The following JPT1 variants were observed in gnomAD, a reference collection of about 807,000 sequenced individuals.
The protein encoded by JPT1 is Jupiter microtubule associated homolog 1.
A neutral mutation model predicts 17.0 loss-of-function variants in JPT1; 5 were observed. The observed-to-expected ratio is 0.29, with a 90% CI of 0.15 to 0.62. The LOEUF is 0.62. Ranked by LOEUF, JPT1 falls within the 20% of genes least tolerant of loss-of-function variation. JPT1 has a pLI of 0.85. For missense variants in JPT1, 158 were observed against 188.1 expected (o/e 0.84, Z 0.94); for synonymous variants, 71 against 73.6 (o/e 0.96, Z 0.18).
rs138322515 is a variant in JPT1 at position 75,147,770 on chromosome 17, G to A, written c.200-117C>T. Reference sequence around the variant, plus strand: ...TCTCAGTGCTTTAGGAGGCCGAGGCGGGCAGATCACCTGAGGTCAGGAGTT... The same window carrying A: ...TCTCAGTGCTTTAGGAGGCCGAGGCAGGCAGATCACCTGAGGTCAGGAGTT... On this transcript the variant is annotated intron_variant, in intron 2 of 4. Coordinates refer to ENST00000409753, the MANE Select transcript of JPT1 (RefSeq NM_016185.4). The A allele has an allele frequency of 2.4e-3, 1,734 of 730,402 alleles. 33 individuals carry two copies. Among genetic ancestry groups the A allele is most frequent in the South Asian group, 0.018 (1,141 of 63,124 alleles). The allele number at this position is 730,402 out of a possible 1,614,324, so 45.2% of individuals were successfully genotyped here. A position where few individuals can be genotyped will look rare whatever the true frequency, so the allele number is the denominator to read the frequency against.
Position 75,136,265 on chromosome 17 carries a change from A to T in JPT1, c.317-15T>A. 1 of 1,560,916 alleles carries T rather than the reference A, an allele frequency of 6.4e-7. No individual in the cohort carries two copies. ...GTCCACATTTTCTATGAAAACAGGG[A>T]ATAGAAATAATACTCATAATGACAG... On this transcript the variant is annotated splice_polypyrimidine_tract_variant and intron_variant, in intron 4 of 4. Coordinates refer to ENST00000409753, the MANE Select transcript of JPT1 (RefSeq NM_016185.4).
chr17:75,146,160 GTTTA>G (rs1291151044), intron 4 of JPT1, among the ~76,000 whole-genome samples: 1 of 151,922 alleles, frequency 6.6e-6, no homozygotes, highest in Non-Finnish European at 1.5e-5. Context: ...TTTTGGTTTA[GTTTA>G]TTTTTTTCAG....
chr17:75,146,397 C>G (rs901156857), intron 4 of JPT1: 1 of 324,228 alleles, frequency 3.1e-6, no homozygotes, highest in African/African-American at 2.2e-5. Context: ...AAGCAATCTG[C>G]CTGCCTCAGC....
intron 4 of JPT1, among the ~76,000 whole-genome samples, chr17:75,143,136 C>G (rs1043591656): frequency 3.9e-5 from 6 of 152,194 alleles, no homozygotes; most frequent in African/African-American, 1.4e-4. Context: ...CATGGAGAGG[C>G]CAAGAAGAAT....
intron 4 of JPT1, among the ~76,000 whole-genome samples, chr17:75,137,522 A>AT (rs1213619500): frequency 2.7e-4 from 37 of 138,906 alleles, no homozygotes; most frequent in South Asian, 8.6e-4. Context: ...ACAACTGGCT[A>AT]TTTTTGTTTT....
At chr17:75,146,044 C>T (rs748944074) in intron 4 of JPT1, among the ~76,000 whole-genome samples, 1 of 152,110 alleles carries the variant, frequency 6.6e-6, no homozygotes, top group Non-Finnish European at 1.5e-5. Flanking sequence ...GCCTACTGCA[C>T]TCCAGCCTTG....
intron 4 of JPT1, among the ~76,000 whole-genome samples, chr17:75,140,736 G>C (rs2074291990): frequency 6.6e-6 from 1 of 152,158 alleles, no homozygotes; most frequent in African/African-American, 2.4e-5. Flanking sequence ...GCCAAGGCAG[G>C]AAGATCAACA....
chr17:75,140,877 G>A (rs566267244), intron 4 of JPT1, among the ~76,000 whole-genome samples: 24 of 152,108 alleles, frequency 1.6e-4, no homozygotes, highest in Non-Finnish European at 2.6e-4. Context: ...GGATCACGAG[G>A]TAAGGAGTTC....
At chr17:75,149,862 T>TACACACTTAC (rs1555652226) in intron 1 of JPT1, among the ~76,000 whole-genome samples, 1 of 147,492 alleles carries the variant, frequency 6.8e-6, no homozygotes, top group East Asian at 2.0e-4. Context: ...CTTACACACT[T>TACACACTTAC]ACACACACAC....
rs948101219 is a variant in JPT1, at chr17:75,135,858, T to TAC, written c.*242_*243dup. ...AAATTATTTCTTCTTAAAAACACAGTACTAAGTGTCACAAAGCTTTCCCTC... is the reference window on the plus strand; with the variant it reads ...AAATTATTTCTTCTTAAAAACACAGTACACTAAGTGTCACAAAGCTTTCCCTC... On this transcript the variant is annotated 3_prime_UTR_variant, in exon 5 of 5. Transcript: ENST00000409753. The TAC allele has an allele frequency of 2.1e-5, 15 of 728,476 alleles. No homozygotes were observed. The highest frequency in any genetic ancestry group is 3.1e-5 in the Non-Finnish European group (14 of 449,190). 45.1% of individuals were successfully genotyped at this position (728,476 alleles called of 1,614,324 possible).
Position 75,146,638 on chromosome 17 carries a change from CAGAAATTTGGTCTTCAGA to C in JPT1, c.316+10_316+27del, listed in dbSNP as rs1386694911. The C allele has an allele frequency of 2.0e-6, 3 of 1,524,626 alleles. No individual in the cohort carries two copies. In the East Asian group the frequency reaches 7.3e-5, roughly 37 times the overall value. The allele number at this position is 1,524,626 out of a possible 1,614,324, so 94.4% of individuals were successfully genotyped here. ...TCTGTCCTAAAACCATGGACAGAGC[CAGAAATTTGGTCTTCAGA>C]AGTACTTACCATGAATATCACCTTC... On this transcript the variant is annotated intron_variant, in intron 4 of 4. Transcript: ENST00000409753.
In JPT1 at chr17:75,147,586, T is replaced by C; in HGVS notation, c.267A>G (p.Glu89=). ...SSGLQRRNSS[E]ASSGDFLDLK... is the part of the protein sequence containing the mutation. Reference sequence around the variant, plus strand: ...GATCTAAGAAGTCTCCGGAGCTTGCTTCAGAGGAGTTCCTTCTCTGCAGTC... The same window carrying C: ...GATCTAAGAAGTCTCCGGAGCTTGCCTCAGAGGAGTTCCTTCTCTGCAGTC... Residue 89 remains glutamate (E), a synonymous_variant, in exon 3 of 5, where the codon GAA becomes GAG. Coordinates refer to ENST00000409753, the MANE Select transcript of JPT1 (RefSeq NM_016185.4). 6.2e-7 allele frequency: 1 copy of C among 1,614,060 alleles called. No homozygotes were observed. Among genetic ancestry groups the C allele is most frequent in the South Asian group, 1.1e-5 (1 of 91,084 alleles).
At chr17:75,140,784 C>G (rs544632647) in intron 4 of JPT1, among the ~76,000 whole-genome samples, 22 of 152,102 alleles carry the variant, frequency 1.4e-4, no homozygotes, top group Admixed American at 1.3e-3. Flanking sequence ...TAGCAAAACC[C>G]TGTCTCTACA....
chr17:75,136,073 C>A lies in JPT1; in HGVS notation c.*29G>T, dbSNP rs774468266. The stretch of plus-strand genomic sequence containing the variant: ...AGTTCACAAGCATGGAGGAAACAGA[C>A]AGAACGACAGCGTTCAGGACAGTCA... On this transcript the variant is annotated 3_prime_UTR_variant, in exon 5 of 5. Transcript: ENST00000409753. The A allele has an allele frequency of 4.3e-6, 7 of 1,614,038 alleles. No individual in the cohort carries two copies. The Admixed American group carries it at 1.2e-4, about 27-fold the overall frequency.
intron 4 of JPT1, among the ~76,000 whole-genome samples, chr17:75,143,245 T>A (rs1421478766): frequency 6.6e-6 from 1 of 152,156 alleles, no homozygotes; most frequent in African/African-American, 2.4e-5. Context: ...CAATCATGCT[T>A]ATGTAATGAA....
chr17:75,138,428 A>G (rs895520014), intron 4 of JPT1: 2 of 131,760 alleles, frequency 1.5e-5, no homozygotes, highest in African/African-American at 5.9e-5. Context: ...TTTTTTTTTG[A>G]GACTGTGTCT....
chr17:75,140,158 C>T (rs1041371322), intron 4 of JPT1, among the ~76,000 whole-genome samples: 3 of 152,144 alleles, frequency 2.0e-5, no homozygotes, highest in Non-Finnish European at 2.9e-5. Flanking sequence ...CCTCATGATC[C>T]GCACACCTCA....
chr17:75,146,794 C>G (rs573176947), intron 3 of JPT1, 110 bp from the exon 4 acceptor site: 176 of 708,100 alleles, frequency 2.5e-4, no homozygotes, highest in Admixed American at 6.2e-4. Context: ...TGTGACATTT[C>G]ATTGTGTTGC....
At position 75,147,571 on chromosome 17, in the gene JPT1, G is replaced by T; in HGVS notation, c.282C>A (p.Asp94Glu). The T allele has an allele frequency of 6.2e-7, 1 of 1,613,082 alleles. No homozygotes were observed. Among genetic ancestry groups the T allele is most frequent in the Non-Finnish European group, 8.5e-7 (1 of 1,179,080 alleles). ...RRNSSEASSG[D>E]FLDLKGEGDI... The stretch of plus-strand genomic sequence containing the variant: ...TCACACTGACCTTCAGATCTAAGAA[G>T]TCTCCGGAGCTTGCTTCAGAGGAGT... The change falls in exon 3 of 5, where the codon GAC becomes GAA. Residue 94 changes from aspartate (D) to glutamate (E), a missense_variant. By Grantham distance (45) the Asp-to-Glu change is conservative. Transcript: ENST00000409753.
Sources: gnomAD v4.1 joint callset for allele counts (sites outside exome capture counted in the v4.1 genomes callset) on GRCh38, gnomAD v4.1.1 for gene constraint, MANE v1.5 for transcripts, NCBI Gene and HGNC (gene_info 2026-07-23, HGNC 2026-07-21) for gene names.